NELL1: variants seen among roughly 807,000 people sequenced by gnomAD.
The protein encoded by NELL1 is neural EGFL like 1, also known as protein kinase C-binding protein NELL1.
In NELL1, 76 loss-of-function variants were observed where a neutral mutation model predicts 107.4. The ratio of observed to expected loss-of-function variants is 0.71; its 90% CI spans 0.59 to 0.86. The LOEUF is 0.86. Ranked by LOEUF, NELL1 falls within the 40% of genes least tolerant of loss-of-function variation. The pLI is 0.00. For missense variants in NELL1, 1,024 were observed against 1,005.5 expected (o/e 1.02, Z -0.25); for synonymous variants, 353 against 341.2 (o/e 1.03, Z -0.38).
At chr11:21,322,108 G>C (rs1850024089) in intron 14 of NELL1, among the ~76,000 whole-genome samples, 1 of 152,156 alleles carries the variant, frequency 6.6e-6, no homozygotes, top group South Asian at 2.1e-4. Context: ...TGCTCCTAAA[G>C]TCTAAGACAA....
At chr11:21,335,763 G>A (rs1590847280) in intron 14 of NELL1, among the ~76,000 whole-genome samples, 2 of 152,166 alleles carry the variant, frequency 1.3e-5, no homozygotes, top group East Asian at 3.9e-4. Context: ...AAGCCATTAT[G>A]TTTTGTATAT....
At chr11:21,004,336 T>C (rs72939961) in intron 12 of NELL1, among the ~76,000 whole-genome samples, 11,222 of 152,170 alleles carry the variant, frequency 0.074, 474 homozygotes, top group Middle Eastern at 0.12. Flanking sequence ...GCTAATATTA[T>C]ACATTATAAT....
At chr11:21,054,588 G>A (rs1389721897) in intron 12 of NELL1, among the ~76,000 whole-genome samples, 3 of 152,004 alleles carry the variant, frequency 2.0e-5, no homozygotes, top group South Asian at 2.1e-4. Context: ...TAGCCCTACC[G>A]GATTGTCTTC....
chr11:20,677,802 C>T, intron 1 of NELL1, 130 bp from the exon 2 acceptor site: 2 of 1,044,676 alleles, frequency 1.9e-6, no homozygotes, highest in Non-Finnish European at 2.8e-6. Flanking sequence ...CTTTTCCCTC[C>T]ATAGACAAAG....
chr11:20,893,776 A>G (rs963127772), intron 5 of NELL1, among the ~76,000 whole-genome samples: 12 of 151,794 alleles, frequency 7.9e-5, no homozygotes, highest in African/African-American at 2.9e-4. Flanking sequence ...TTGAATTCAT[A>G]AAACCCAAAG....
intron 16 of NELL1, among the ~76,000 whole-genome samples, chr11:21,550,154 G>A (rs184603757): frequency 1.3e-3 from 205 of 151,920 alleles, no homozygotes; most frequent in African/African-American, 4.3e-3. Context: ...AAACTTTTGG[G>A]GTTTGGAATT....
intron 12 of NELL1, among the ~76,000 whole-genome samples, chr11:20,966,610 C>A (rs1399756661): frequency 6.6e-6 from 1 of 152,112 alleles, no homozygotes; most frequent in Admixed American, 6.6e-5. Flanking sequence ...AGGTATCTGT[C>A]AATCCCCACC....
At chr11:21,465,999 A>G (rs1590953913) in intron 15 of NELL1, among the ~76,000 whole-genome samples, 1 of 152,108 alleles carries the variant, frequency 6.6e-6, no homozygotes, top group African/African-American at 2.4e-5. Flanking sequence ...CAAGACATGA[A>G]GAGAGCCAGA....
chr11:20,700,961 A>G (rs1280813157), intron 2 of NELL1, among the ~76,000 whole-genome samples: 1 of 152,224 alleles, frequency 6.6e-6, no homozygotes, highest in South Asian at 2.1e-4. Context: ...TAGTGCCACA[A>G]TAAACATACG....
At chr11:21,244,301 C>CTGA (rs1858436577) in intron 14 of NELL1, among the ~76,000 whole-genome samples, 1 of 152,122 alleles carries the variant, frequency 6.6e-6, no homozygotes, top group Non-Finnish European at 1.5e-5. Flanking sequence ...GCTCACTGTG[C>CTGA]TGATGCTTAT....
chr11:20,819,536 T>C (rs116371343), intron 3 of NELL1, among the ~76,000 whole-genome samples: 1,551 of 152,354 alleles, frequency 0.01, 22 homozygotes, highest in African/African-American at 0.036. Flanking sequence ...GAAAGGGGGC[T>C]GGACAACTGC....
intron 5 of NELL1, among the ~76,000 whole-genome samples, chr11:20,896,513 T>C (rs998023277): frequency 7.9e-5 from 12 of 152,232 alleles, no homozygotes; most frequent in Non-Finnish European, 1.6e-4. Context: ...CTGGATCAAA[T>C]GGTATTTCCA....
At chr11:21,482,787 G>A (rs1854525805) in intron 15 of NELL1, among the ~76,000 whole-genome samples, 1 of 151,078 alleles carries the variant, frequency 6.6e-6, no homozygotes, top group African/African-American at 2.4e-5. Flanking sequence ...AACTGTGACA[G>A]TGCCTTTCCT....
At chr11:21,517,569 C>A (rs1310205300) in intron 15 of NELL1, among the ~76,000 whole-genome samples, 1 of 152,072 alleles carries the variant, frequency 6.6e-6, no homozygotes, top group Non-Finnish European at 1.5e-5. Flanking sequence ...AATATGGTAG[C>A]GTATAGACAT....
At chr11:21,250,300 C>T (rs376253128) in intron 14 of NELL1, among the ~76,000 whole-genome samples, 4 of 152,186 alleles carry the variant, frequency 2.6e-5, no homozygotes, top group Admixed American at 6.5e-5. Context: ...GTAACAGTTA[C>T]TTATTGTATG....
intron 12 of NELL1, among the ~76,000 whole-genome samples, chr11:21,098,334 G>C (rs544243754): frequency 6.6e-6 from 1 of 151,884 alleles, no homozygotes; most frequent in African/African-American, 2.4e-5. Flanking sequence ...TGCATATTTC[G>C]TACATGTCAG....
chr11:21,259,312 G>T lies in NELL1; in HGVS notation c.1549+29858G>T, dbSNP rs74895318. Reference sequence around the variant, plus strand: ...ATTATTATAAAGCATAATGGGAGTGGTTTGCTATAATTAGGGGGTCAGGGA... The same window carrying T: ...ATTATTATAAAGCATAATGGGAGTGTTTTGCTATAATTAGGGGGTCAGGGA... On this transcript the variant is annotated intron_variant, in intron 14 of 19. Coordinates refer to ENST00000357134, the MANE Select transcript of NELL1 (RefSeq NM_006157.5). Among the ~76,000 whole-genome samples the T allele has an allele frequency of 8.6e-3, 1,300 of 151,946 alleles. 18 individuals are homozygous for T. The highest frequency in any genetic ancestry group is 0.03 in the African/African-American group (1,240 of 41,504).
chr11:21,093,358 T>A (rs1164920615), intron 12 of NELL1, among the ~76,000 whole-genome samples: 1 of 152,206 alleles, frequency 6.6e-6, no homozygotes. Flanking sequence ...ATTTTTATTT[T>A]TTTGTTATCA....
chr11:20,741,717 T>C (rs1855895429), intron 2 of NELL1, among the ~76,000 whole-genome samples: 1 of 152,202 alleles, frequency 6.6e-6, no homozygotes, highest in Non-Finnish European at 1.5e-5. Flanking sequence ...AATTCTACGA[T>C]GGAACACTCC....
Sources: allele counts gnomAD v4.1 joint callset (sites outside exome capture counted in the v4.1 genomes callset), GRCh38; gene constraint gnomAD v4.1.1; transcripts MANE v1.5; gene names NCBI Gene and HGNC (gene_info 2026-07-23, HGNC 2026-07-21).